The following FAM76A variants were observed in gnomAD, a reference collection of about 807,000 sequenced individuals.
FAM76A encodes the protein protein FAM76A.
Under a neutral mutation model 46.2 loss-of-function variants are expected in FAM76A, and 32 were observed. The observed-to-expected ratio is 0.69, with a 90% CI of 0.52 to 0.93. FAM76A has a LOEUF of 0.93. FAM76A is among the 40% of genes least tolerant of loss of function. The probability of loss-of-function intolerance (pLI) is 0.00; values close to 1 mark genes in which losing one functional copy is unlikely to be tolerated. For synonymous variants in FAM76A, 137 were observed against 127.0 expected (o/e 1.08, Z -0.53); for missense variants, 274 against 361.5 (o/e 0.76, Z 1.96).
intron 5 of FAM76A, among the ~76,000 whole-genome samples, chr1:27,745,805 G>C (rs934556721): frequency 1.3e-5 from 2 of 152,230 alleles, no homozygotes; most frequent in African/African-American, 4.8e-5. Flanking sequence ...TGAGAGAATA[G>C]CATTTGCAAA....
At chr1:27,740,680 A>G in intron 4 of FAM76A, 1 of 505,180 alleles carries the variant, frequency 2.0e-6, no homozygotes, top group South Asian at 2.4e-5. Flanking sequence ...TTTTACCAGA[A>G]AACAGGAATA....
At chr1:27,731,198 ATTTTTT>A (rs34236376) in intron 2 of FAM76A, among the ~76,000 whole-genome samples, 3 of 109,836 alleles carry the variant, frequency 2.7e-5, no homozygotes, top group South Asian at 2.8e-4. Context: ...AGAAATCAGA[ATTTTTT>A]TTTTTTTTTT....
intron 7 of FAM76A, 130 bp downstream of exon 7, chr1:27,755,460 G>A (rs746469892): frequency 8.4e-7 from 1 of 1,195,016 alleles, no homozygotes; most frequent in Non-Finnish European, 1.2e-6. Context: ...ATCCTGGGGA[G>A]AGGCTGGCTG....
intron 7 of FAM76A, 125 bp from the exon 8 acceptor site, chr1:27,759,401 T>G: frequency 1.8e-6 from 1 of 564,752 alleles, no homozygotes; most frequent in Non-Finnish European, 3.2e-6. Flanking sequence ...CTGGTTTTGA[T>G]TTAGATACGG....
intron 4 of FAM76A, among the ~76,000 whole-genome samples, chr1:27,736,777 A>T (rs919516695): frequency 7.3e-5 from 11 of 150,480 alleles, no homozygotes; most frequent in African/African-American, 1.5e-4. Context: ...TTTATTTTTT[A>T]AATTTTTGTA....
At chr1:27,755,698 T>A (rs2088399280) in intron 7 of FAM76A, among the ~76,000 whole-genome samples, 1 of 152,150 alleles carries the variant, frequency 6.6e-6, no homozygotes, top group African/African-American at 2.4e-5. Flanking sequence ...CTCAGCCCAC[T>A]TAGTAGCTTG....
chr1:27,729,106 G>A (rs568284709), intron 2 of FAM76A, among the ~76,000 whole-genome samples: 1 of 152,260 alleles, frequency 6.6e-6, no homozygotes, highest in African/African-American at 2.4e-5. Context: ...CTGCCTTGAG[G>A]AGAGTGGGAT....
At chr1:27,740,316 G>T in intron 4 of FAM76A, 1 of 879,842 alleles carries the variant, frequency 1.1e-6, no homozygotes, top group East Asian at 2.5e-5. Flanking sequence ...AGGAACTACA[G>T]TTGAGTATTT....
intron 6 of FAM76A, among the ~76,000 whole-genome samples, chr1:27,751,415 G>T (rs1377319099): frequency 6.8e-6 from 1 of 146,188 alleles, no homozygotes; most frequent in Admixed American, 6.8e-5. Context: ...CATTTACTTT[G>T]CTTTGAAAAA....
intron 7 of FAM76A, among the ~76,000 whole-genome samples, chr1:27,757,908 C>T (rs1018587648): frequency 6.6e-5 from 10 of 150,996 alleles, no homozygotes; most frequent in African/African-American, 2.2e-4. Flanking sequence ...ACCGGTGAGG[C>T]GGAGCTTGCT....
At chr1:27,732,819 G>T (rs2087982512) in intron 3 of FAM76A, among the ~76,000 whole-genome samples, 162 bp downstream of exon 3, 1 of 152,062 alleles carries the variant, frequency 6.6e-6, no homozygotes, top group Non-Finnish European at 1.5e-5. Flanking sequence ...AATGCTTATT[G>T]TTAAGGAACT....
At chr1:27,738,388 A>T (rs2088092611) in intron 4 of FAM76A, among the ~76,000 whole-genome samples, 2 of 151,834 alleles carry the variant, frequency 1.3e-5, no homozygotes, top group African/African-American at 2.4e-5. Flanking sequence ...TACTCAGGAG[A>T]CTGAGGCAGG....
intron 4 of FAM76A, among the ~76,000 whole-genome samples, chr1:27,739,716 A>G (rs1000830864): frequency 1.3e-5 from 2 of 152,204 alleles, no homozygotes; most frequent in African/African-American, 4.8e-5. Context: ...TGAGCCTGGG[A>G]AGTCGAGGCT....
intron 6 of FAM76A, among the ~76,000 whole-genome samples, chr1:27,754,263 C>T (rs1347252448): frequency 1.3e-5 from 2 of 152,022 alleles, no homozygotes; most frequent in Non-Finnish European, 2.9e-5. Context: ...TGCACCACCA[C>T]GGCCAGCTAA....
At chr1:27,759,831 G>C in intron 8 of FAM76A, 1 of 573,658 alleles carries the variant, frequency 1.7e-6, no homozygotes, top group Non-Finnish European at 3.2e-6. Context: ...GCAGTGGCAC[G>C]ATCATGGCTT....
At chr1:27,745,024 C>T (rs1201481264) in intron 5 of FAM76A, among the ~76,000 whole-genome samples, 2 of 152,160 alleles carry the variant, frequency 1.3e-5, no homozygotes, top group East Asian at 3.9e-4. Context: ...GATTTCCTGA[C>T]TTTGTATTGT....
chr1:27,751,503 T>C (rs943151182), intron 6 of FAM76A, among the ~76,000 whole-genome samples: 3 of 151,826 alleles, frequency 2.0e-5, no homozygotes, highest in Non-Finnish European at 4.4e-5. Context: ...CATTTCTTTT[T>C]TTTTTTTTTT....
intron 7 of FAM76A, among the ~76,000 whole-genome samples, chr1:27,757,833 T>C (rs11247676): frequency 0.16 from 24,917 of 151,952 alleles, 5,395 homozygotes; most frequent in African/African-American, 0.49. Context: ...AAAAATTAGC[T>C]GGGCGTGGTG....
intron 4 of FAM76A, 32 bp downstream of exon 4, chr1:27,734,215 T>C (rs774515013): frequency 1.9e-6 from 3 of 1,562,614 alleles, no homozygotes; most frequent in Non-Finnish European, 2.6e-6. Flanking sequence ...TTTCTTTTTT[T>C]CCTTTCAGAG....
Sources: allele counts gnomAD v4.1 joint callset (sites outside exome capture counted in the v4.1 genomes callset), GRCh38; gene constraint gnomAD v4.1.1; transcripts MANE v1.5; gene names NCBI Gene and HGNC (gene_info 2026-07-23, HGNC 2026-07-21).